DLG2: variants seen among roughly 807,000 people sequenced by gnomAD.
DLG2 encodes disks large homolog 2.
A neutral mutation model predicts 132.5 loss-of-function variants in DLG2; 45 were observed. The ratio of observed to expected loss-of-function variants is 0.34; its 90% CI spans 0.27 to 0.44. DLG2 has a LOEUF of 0.44. DLG2 is among the 20% of genes least tolerant of loss of function. The pLI, the probability that DLG2 is intolerant of heterozygous loss-of-function variation, is 1.00. For synonymous variants in DLG2, 424 were observed against 419.6 expected, an observed-to-expected ratio of 1.01 and a Z score of -0.13; for missense variants, 1,045 against 1,196.9, an observed-to-expected ratio of 0.87 and a Z score of 1.87.
chr11:83,948,678 T>C (rs1349176817), intron 14 of DLG2, among the ~76,000 whole-genome samples: 3 of 151,840 alleles, frequency 2.0e-5, no homozygotes, highest in Non-Finnish European at 4.4e-5. Context: ...ACCAACTGCA[T>C]GTTAATAGCA....
At chr11:85,502,750 T>A (rs1410608746) in intron 3 of DLG2, among the ~76,000 whole-genome samples, 2 of 152,084 alleles carry the variant, frequency 1.3e-5, no homozygotes, top group Non-Finnish European at 2.9e-5. Context: ...CAAACCACCA[T>A]GGCACACATA....
At chr11:83,851,834 G>A (rs2059830072) in intron 16 of DLG2, among the ~76,000 whole-genome samples, 1 of 151,782 alleles carries the variant, frequency 6.6e-6, no homozygotes. Context: ...GCAGAGAATT[G>A]CTTGAACCCA....
chr11:84,509,575 A>T (rs1467494048), intron 7 of DLG2, among the ~76,000 whole-genome samples: 1 of 152,194 alleles, frequency 6.6e-6, no homozygotes, highest in East Asian at 1.9e-4. Context: ...GAAGTCATAA[A>T]CTACATGATA....
intron 4 of DLG2, among the ~76,000 whole-genome samples, chr11:85,254,734 C>G (rs2076576254): frequency 6.6e-6 from 1 of 152,150 alleles, no homozygotes; most frequent in South Asian, 2.1e-4. Context: ...GGCGTGGTGG[C>G]TCACGCCTGT....
chr11:84,292,565 C>A (rs980484516), intron 7 of DLG2, among the ~76,000 whole-genome samples: 3 of 152,198 alleles, frequency 2.0e-5, no homozygotes, highest in Non-Finnish European at 4.4e-5. Flanking sequence ...ATAGCCAATT[C>A]TTCCAAGCTA....
chr11:84,819,451 T>A (rs904703247), intron 6 of DLG2, among the ~76,000 whole-genome samples: 17 of 151,886 alleles, frequency 1.1e-4, no homozygotes, highest in Non-Finnish European at 1.5e-5. Context: ...AGGTGAATAT[T>A]TGAGATTCTA....
intron 7 of DLG2, among the ~76,000 whole-genome samples, chr11:84,461,448 GA>G (rs2099079924): frequency 6.6e-6 from 1 of 150,864 alleles, no homozygotes; most frequent in African/African-American, 2.4e-5. Flanking sequence ...AGTGTAGTGT[GA>G]AAAATATGTT....
At chr11:83,860,642 G>T (rs2061310048) in intron 16 of DLG2, among the ~76,000 whole-genome samples, 1 of 151,542 alleles carries the variant, frequency 6.6e-6, no homozygotes, top group Admixed American at 6.6e-5. Context: ...TTGGACTTTT[G>T]AGTTAATGCT....
At chr11:84,862,093 G>A (rs958919306) in intron 6 of DLG2, among the ~76,000 whole-genome samples, 7 of 151,342 alleles carry the variant, frequency 4.6e-5, no homozygotes, top group Non-Finnish European at 7.4e-5. Flanking sequence ...GCTAGATGAC[G>A]AGTTAGTGCG....
chr11:83,991,331 C>T (rs1348464229), intron 11 of DLG2, among the ~76,000 whole-genome samples: 1 of 152,138 alleles, frequency 6.6e-6, no homozygotes, highest in Non-Finnish European at 1.5e-5. Context: ...TAGCCACAGC[C>T]CAAAACTTTT....
chr11:85,527,481 A>G (rs112013298), intron 3 of DLG2, among the ~76,000 whole-genome samples: 3 of 152,012 alleles, frequency 2.0e-5, no homozygotes, highest in African/African-American at 7.3e-5. Context: ...TTTGCTGAGG[A>G]TAATGGTTTC....
At chr11:85,350,414 T>C (rs925844290) in intron 3 of DLG2, among the ~76,000 whole-genome samples, 9 of 152,216 alleles carry the variant, frequency 5.9e-5, no homozygotes, top group Non-Finnish European at 1.2e-4. Flanking sequence ...TTAGTTTAAT[T>C]AGATCCCATT....
At chr11:83,962,049 G>C (rs76024232) in intron 14 of DLG2, among the ~76,000 whole-genome samples, 1 of 151,846 alleles carries the variant, frequency 6.6e-6, no homozygotes, top group Non-Finnish European at 1.5e-5. Flanking sequence ...TTTCCTCTCC[G>C]GCAGAAAGTC....
chr11:84,431,300 G>C (rs533774856), intron 7 of DLG2, among the ~76,000 whole-genome samples: 1 of 152,070 alleles, frequency 6.6e-6, no homozygotes, highest in Non-Finnish European at 1.5e-5. Context: ...AATCATACAG[G>C]ATGTCTAATC....
At chr11:84,130,296 C>A (rs1199276961) in intron 9 of DLG2, among the ~76,000 whole-genome samples, 1 of 151,788 alleles carries the variant, frequency 6.6e-6, no homozygotes, top group African/African-American at 2.4e-5. Flanking sequence ...CATAGAAACA[C>A]AAGTTAAACA....
chr11:85,335,774 A>G (rs1316880955), intron 3 of DLG2, among the ~76,000 whole-genome samples: 1 of 151,896 alleles, frequency 6.6e-6, no homozygotes, highest in Non-Finnish European at 1.5e-5. Context: ...GGCGGAGGGC[A>G]TCACACACCA....
chr11:84,700,684 A>C (rs1028994526), intron 6 of DLG2, among the ~76,000 whole-genome samples: 2 of 151,710 alleles, frequency 1.3e-5, no homozygotes, highest in African/African-American at 4.8e-5. Flanking sequence ...CGGCTTGCTC[A>C]GTATCACTCA....
At chr11:85,605,775 T>C (rs549136235) in intron 2 of DLG2, among the ~76,000 whole-genome samples, 1 of 152,302 alleles carries the variant, frequency 6.6e-6, no homozygotes, top group African/African-American at 2.4e-5. Flanking sequence ...GGTCAGGAGA[T>C]CGAGACCAGC....
At chr11:84,964,871 G>A (rs1253876469) in intron 6 of DLG2, among the ~76,000 whole-genome samples, 1 of 151,980 alleles carries the variant, frequency 6.6e-6, no homozygotes, top group Non-Finnish European at 1.5e-5. Context: ...ACAACCAACA[G>A]TATGATAGAT....
Sources: gnomAD v4.1 joint callset for allele counts (sites outside exome capture counted in the v4.1 genomes callset) on GRCh38, gnomAD v4.1.1 for gene constraint, MANE v1.5 for transcripts, NCBI Gene and HGNC (gene_info 2026-07-23, HGNC 2026-07-21) for gene names.